SH3RF3: variants seen among roughly 807,000 people sequenced by gnomAD.
SH3RF3 encodes the protein SH3 domain containing ring finger 3.
In SH3RF3, 29 loss-of-function variants were observed where a neutral mutation model predicts 66.3. The observed-to-expected ratio is 0.44, with a 90% CI of 0.33 to 0.60. SH3RF3 has a LOEUF of 0.60. Ranked by LOEUF, SH3RF3 falls within the 20% of genes least tolerant of loss-of-function variation. SH3RF3 has a pLI of 0.04. For missense variants in SH3RF3, 1,194 were observed against 1,190.9 expected (o/e 1.00, Z -0.04); for synonymous variants, 583 against 532.0 (o/e 1.10, Z -1.32).
intron 1 of SH3RF3, among the ~76,000 whole-genome samples, chr2:109,241,267 A>AACAACT (rs978500267): frequency 8.6e-5 from 13 of 151,878 alleles, no homozygotes; most frequent in African/African-American, 3.1e-4. Context: ...TAACAACAAC[A>AACAACT]ACAGAAAAGA....
At chr2:109,234,948 T>A (rs1212031298) in intron 1 of SH3RF3, among the ~76,000 whole-genome samples, 2 of 152,236 alleles carry the variant, frequency 1.3e-5, no homozygotes. Context: ...ATGAGTGTCC[T>A]AACCTCAGCA....
intron 8 of SH3RF3, among the ~76,000 whole-genome samples, chr2:109,485,992 C>G (rs1317256778): frequency 6.6e-6 from 1 of 152,248 alleles, no homozygotes. Context: ...CAGCTCAGGT[C>G]CACAGAATCA....
intron 5 of SH3RF3, among the ~76,000 whole-genome samples, chr2:109,426,647 G>A (rs1406192816): frequency 6.6e-6 from 1 of 152,184 alleles, no homozygotes; most frequent in East Asian, 1.9e-4. Flanking sequence ...AAAGAGTTTA[G>A]AATAGCACAT....
chr2:109,339,176 C>A (rs1268674670), intron 1 of SH3RF3, among the ~76,000 whole-genome samples: 1 of 147,166 alleles, frequency 6.8e-6, no homozygotes, highest in Non-Finnish European at 1.5e-5. Flanking sequence ...GACGGGTAGG[C>A]AGAGAAGGGA....
chr2:109,419,770 G>C (rs1676823448), intron 5 of SH3RF3, 128 bp downstream of exon 5: 1 of 809,682 alleles, frequency 1.2e-6, no homozygotes, highest in East Asian at 2.7e-5. Context: ...ATAGTTATGT[G>C]CGTCTAATAA....
chr2:109,140,243 A>C (rs563008289), intron 1 of SH3RF3, among the ~76,000 whole-genome samples: 1 of 152,262 alleles, frequency 6.6e-6, no homozygotes, highest in African/African-American at 2.4e-5. Context: ...ACGTGTTTGG[A>C]GTTCTCTCTC....
chr2:109,210,767 C>T (rs375856951), intron 1 of SH3RF3, among the ~76,000 whole-genome samples: 34 of 152,164 alleles, frequency 2.2e-4, no homozygotes, highest in Middle Eastern at 3.2e-3. Flanking sequence ...GTGAATTAGT[C>T]GACTGCTTCT....
intron 2 of SH3RF3, among the ~76,000 whole-genome samples, chr2:109,361,656 A>G (rs1210900249): frequency 6.6e-6 from 1 of 152,028 alleles, no homozygotes; most frequent in African/African-American, 2.4e-5. Flanking sequence ...TTGTATTTTT[A>G]GTAGAGATGG....
At chr2:109,325,869 A>G (rs1488090181) in intron 1 of SH3RF3, among the ~76,000 whole-genome samples, 1 of 152,234 alleles carries the variant, frequency 6.6e-6, no homozygotes, top group African/African-American at 2.4e-5. Context: ...CACTCCTGGG[A>G]AAAAGTTCAG....
chr2:109,350,077 G>A (rs1682807885), intron 2 of SH3RF3, among the ~76,000 whole-genome samples: 1 of 152,252 alleles, frequency 6.6e-6, no homozygotes, highest in Non-Finnish European at 1.5e-5. Flanking sequence ...CGGGCATTTA[G>A]TGTGGGCTCC....
intron 3 of SH3RF3, among the ~76,000 whole-genome samples, chr2:109,374,005 G>C (rs1325906248): frequency 2.0e-5 from 3 of 152,162 alleles, no homozygotes; most frequent in Non-Finnish European, 4.4e-5. Context: ...TGGGGAGTCA[G>C]CCGCATCTGT....
At chr2:109,227,854 C>T (rs1172599449) in intron 1 of SH3RF3, among the ~76,000 whole-genome samples, 1 of 152,182 alleles carries the variant, frequency 6.6e-6, no homozygotes, top group Non-Finnish European at 1.5e-5. Flanking sequence ...GCCCTTCGGT[C>T]GCTCCGCCTT....
intron 4 of SH3RF3, among the ~76,000 whole-genome samples, chr2:109,405,695 A>T (rs1573225804): frequency 6.6e-6 from 1 of 152,186 alleles, no homozygotes; most frequent in Middle Eastern, 3.4e-3. Flanking sequence ...GCAGCTTTCT[A>T]TGGCCCCATG....
chr2:109,403,929 C>CT (rs1204358151), intron 4 of SH3RF3, among the ~76,000 whole-genome samples: 1 of 152,220 alleles, frequency 6.6e-6, no homozygotes, highest in Non-Finnish European at 1.5e-5. Context: ...TGCGTGCGGG[C>CT]TGCCCTCCTT....
chr2:109,212,059 G>A (rs951484133), intron 1 of SH3RF3, among the ~76,000 whole-genome samples: 1 of 152,238 alleles, frequency 6.6e-6, no homozygotes, highest in African/African-American at 2.4e-5. Context: ...CGGAATTCCA[G>A]GGAGATAGCG....
intron 2 of SH3RF3, among the ~76,000 whole-genome samples, chr2:109,355,839 G>A (rs1381964273): frequency 6.6e-6 from 1 of 152,188 alleles, no homozygotes. Context: ...ATACTAATGA[G>A]TCTGTGAAGC....
chr2:109,202,343 C>T (rs947045147), intron 1 of SH3RF3, among the ~76,000 whole-genome samples: 3 of 152,170 alleles, frequency 2.0e-5, no homozygotes, highest in African/African-American at 4.8e-5. Context: ...GAGTGTGTCT[C>T]GGCTGCTTTG....
intron 1 of SH3RF3, among the ~76,000 whole-genome samples, chr2:109,299,144 G>A (rs1345556998): frequency 6.6e-6 from 1 of 152,222 alleles, no homozygotes; most frequent in Non-Finnish European, 1.5e-5. Flanking sequence ...CTCCCCATGG[G>A]TGTTGCCTCC....
intron 2 of SH3RF3, among the ~76,000 whole-genome samples, chr2:109,353,529 G>T (rs771321302): frequency 6.6e-6 from 1 of 152,198 alleles, no homozygotes; most frequent in Non-Finnish European, 1.5e-5. Context: ...AGCAAGGGGC[G>T]CCTGGAGGGA....
Sources: allele counts gnomAD v4.1 joint callset (sites outside exome capture counted in the v4.1 genomes callset), GRCh38; gene constraint gnomAD v4.1.1; transcripts MANE v1.5; gene names NCBI Gene and HGNC (gene_info 2026-07-23, HGNC 2026-07-21).